The following INSL6 variants were observed in gnomAD, a reference collection of about 807,000 sequenced individuals.
INSL6 encodes the protein insulin like 6.
In INSL6, 16 loss-of-function variants were observed where a neutral mutation model predicts 9.4. The observed-to-expected ratio is 1.70, with a 90% CI of 1.15 to 2.59. The LOEUF (loss-of-function observed/expected upper bound fraction) is 2.59, where lower values mean the gene tolerates loss of function less well. Among genes scored for constraint, INSL6 ranks in the 30% most tolerant of loss-of-function variants. The pLI is 0.00. For synonymous variants in INSL6, 154 were observed against 96.9 expected (o/e 1.59, Z -3.46); for missense variants, 391 against 257.3 (o/e 1.52, Z -3.56).
At chr9:5,084,917 C>A in the INSL6 span, 2 of 521,860 alleles carry the variant, frequency 3.8e-6, no homozygotes, top group African/African-American at 2.0e-5. Context: ...GTTATCTGCA[C>A]ATGAAGCAAA....
chr9:5,098,661 T>C, the INSL6 span: 1 of 152,134 alleles, frequency 6.6e-6, no homozygotes, highest in African/African-American at 2.4e-5. Context: ...ATTGAAGCTA[T>C]GAATATATAG....
the INSL6 span, among the ~76,000 whole-genome samples, chr9:5,053,391 A>G: frequency 2.0e-5 from 3 of 152,092 alleles, no homozygotes; most frequent in African/African-American, 7.2e-5. Flanking sequence ...ACATATAATC[A>G]TATTTATGAT....
chr9:5,123,813 G>C (rs1177781265), downstream of INSL6, among the ~76,000 whole-genome samples: 1 of 150,968 alleles, frequency 6.6e-6, no homozygotes, highest in Non-Finnish European at 1.5e-5. Flanking sequence ...GCCAACATCT[G>C]TTATTTTTTC....
the INSL6 span, chr9:5,073,749 G>C: frequency 1.9e-6 from 3 of 1,612,288 alleles, 1 homozygote; most frequent in Admixed American, 1.7e-5. Context: ...CAAGCATTTG[G>C]TTTTAAATTA....
chr9:4,995,097 G>T, the INSL6 span, among the ~76,000 whole-genome samples: 1 of 152,186 alleles, frequency 6.6e-6, no homozygotes, highest in African/African-American at 2.4e-5. Flanking sequence ...TGTGTTTTCA[G>T]ATGACTTGAT....
chr9:5,105,268 GACAA>G, the INSL6 span, among the ~76,000 whole-genome samples: 1 of 152,104 alleles, frequency 6.6e-6, no homozygotes, highest in Non-Finnish European at 1.5e-5. Flanking sequence ...ACCCATAACA[GACAA>G]ACATACAGCC....
At chr9:5,094,669 TAACAG>T in the INSL6 span, 1 of 152,182 alleles carries the variant, frequency 6.6e-6, no homozygotes, top group African/African-American at 2.4e-5. Flanking sequence ...CCTTTTGACT[TAACAG>T]AAAGAGAATC....
chr9:5,052,355 T>C, the INSL6 span, among the ~76,000 whole-genome samples: 1 of 152,092 alleles, frequency 6.6e-6, no homozygotes, highest in Admixed American at 6.6e-5. Context: ...TCTGATTCTT[T>C]TAACTCATGC....
rs117289645 is a variant in INSL6, at chr9:5,125,438, C to T, written c.*11-927G>A. 5.2e-3 allele frequency among the ~76,000 whole-genome samples: 784 copies of T among 151,440 alleles called. 3 individuals carry two copies. The highest frequency in any genetic ancestry group is 9.1e-3 in the Non-Finnish European group (615 of 67,460). On this transcript the variant is annotated intron_variant, in intron 3 of 3. Transcript: ENST00000649639. ...TATGTCTGAACAATCATTTTCCATT[C>T]TTCAGTCTTTTAAGTAACACTTCAG...
chr9:5,034,513 A>C, the INSL6 span, among the ~76,000 whole-genome samples: 10 of 152,196 alleles, frequency 6.6e-5, no homozygotes, highest in Admixed American at 5.9e-4. Flanking sequence ...GCAAGTGTAA[A>C]AGAACAGAAA....
chr9:5,021,189 G>A, the INSL6 span, among the ~76,000 whole-genome samples: 428 of 152,178 alleles, frequency 2.8e-3, no homozygotes, highest in African/African-American at 1.0e-2. Flanking sequence ...CTCCTTCCTT[G>A]CATTAGGTGT....
chr9:5,078,184 C>A, the INSL6 span: 1 of 751,138 alleles, frequency 1.3e-6, no homozygotes, highest in Non-Finnish European at 2.1e-6. Flanking sequence ...CAATGCATGC[C>A]TCCAAATTAT....
At chr9:5,022,214 G>A in the INSL6 span, 2 of 1,609,348 alleles carry the variant, frequency 1.2e-6, no homozygotes, top group Non-Finnish European at 1.7e-6. Flanking sequence ...AAAGCTTGTG[G>A]TAAGTATTAA....
chr9:5,167,314 A>G (rs531272002), intron 1 of INSL6, among the ~76,000 whole-genome samples: 2 of 152,336 alleles, frequency 1.3e-5, no homozygotes, highest in African/African-American at 4.8e-5. Flanking sequence ...GCATTAAGCT[A>G]TGCAGACTGA....
At chr9:5,041,700 T>C in the INSL6 span, 1 of 506,862 alleles carries the variant, frequency 2.0e-6, no homozygotes, top group Admixed American at 2.2e-5. Flanking sequence ...CGGCTTCGTG[T>C]TCGACTCTGA....
chr9:5,064,375 CA>C, the INSL6 span, among the ~76,000 whole-genome samples: 4 of 151,918 alleles, frequency 2.6e-5, no homozygotes, highest in East Asian at 1.9e-4. Context: ...ACTAAAAATA[CA>C]AAAATTAGCT....
chr9:5,089,952 A>G, the INSL6 span: 4 of 859,652 alleles, frequency 4.7e-6, no homozygotes, highest in South Asian at 8.7e-5. Context: ...AACGATCTGG[A>G]CTTATGCCAA....
At chr9:5,154,499 T>C (rs898908296) in intron 2 of INSL6, among the ~76,000 whole-genome samples, 5 of 152,164 alleles carry the variant, frequency 3.3e-5, no homozygotes, top group African/African-American at 1.2e-4. Context: ...AAAGAGCTTC[T>C]GCACAGCAAA....
chr9:5,034,748 G>C, the INSL6 span, among the ~76,000 whole-genome samples: 30 of 152,038 alleles, frequency 2.0e-4, no homozygotes, highest in Non-Finnish European at 3.2e-4. Context: ...AGTGTGTAGA[G>C]GGAAATTTAT....
Sources: gnomAD v4.1 joint callset for allele counts (sites outside exome capture counted in the v4.1 genomes callset) on GRCh38, gnomAD v4.1.1 for gene constraint, MANE v1.5 for transcripts, NCBI Gene and HGNC (gene_info 2026-07-23, HGNC 2026-07-21) for gene names.